Variants in MARCHF1 observed in about 807,000 individuals in gnomAD.
The protein encoded by MARCHF1 is membrane associated ring-CH-type finger 1.
A neutral mutation model predicts 54.2 loss-of-function variants in MARCHF1; 40 were observed. The observed-to-expected ratio is 0.74, with a 90% confidence interval of 0.57 to 0.96. MARCHF1 has a LOEUF of 0.96. Ranked by LOEUF, MARCHF1 falls within the 40% of genes least tolerant of loss-of-function variation. The pLI is 0.00. For missense variants in MARCHF1, 586 were observed against 656.5 expected, an observed-to-expected ratio of 0.89 and a Z score of 1.17; for synonymous variants, 236 against 236.3, an observed-to-expected ratio of 1.00 and a Z score of 0.01.
chr4:164,214,772 A>T (rs1225749954), intron 1 of MARCHF1, among the ~76,000 whole-genome samples: 3 of 152,214 alleles, frequency 2.0e-5, no homozygotes, highest in Non-Finnish European at 4.4e-5. Flanking sequence ...TGTGGGGCAC[A>T]TATTTTATGG....
At chr4:163,925,975 T>C (rs2111377036) in intron 3 of MARCHF1, among the ~76,000 whole-genome samples, 1 of 151,868 alleles carries the variant, frequency 6.6e-6, no homozygotes, top group South Asian at 2.1e-4. Flanking sequence ...TTTTTGTTTT[T>C]TACTTTCTTC....
intron 2 of MARCHF1, among the ~76,000 whole-genome samples, chr4:164,071,160 C>G (rs1478303991): frequency 6.6e-6 from 1 of 152,086 alleles, no homozygotes; most frequent in Non-Finnish European, 1.5e-5. Context: ...TCTGTTTGAC[C>G]TTTTTCAAAT....
intron 2 of MARCHF1, among the ~76,000 whole-genome samples, chr4:164,075,468 A>T (rs1474732250): frequency 6.6e-6 from 1 of 152,234 alleles, no homozygotes; most frequent in Admixed American, 6.5e-5. Flanking sequence ...ATGCAGCCCC[A>T]GGGTGTGGAT....
At chr4:163,646,843 A>C (rs1371158193) in intron 5 of MARCHF1, among the ~76,000 whole-genome samples, 1 of 152,152 alleles carries the variant, frequency 6.6e-6, no homozygotes, top group Non-Finnish European at 1.5e-5. Context: ...AGAGAGGAAG[A>C]AAAGAACAAA....
At chr4:163,635,828 T>C (rs1742297220) in intron 5 of MARCHF1, among the ~76,000 whole-genome samples, 1 of 152,082 alleles carries the variant, frequency 6.6e-6, no homozygotes, top group East Asian at 1.9e-4. Flanking sequence ...TGATGAACAT[T>C]GATGCAAAAA....
intron 1 of MARCHF1, among the ~76,000 whole-genome samples, chr4:164,147,060 A>G (rs1729769030): frequency 6.6e-6 from 1 of 151,994 alleles, no homozygotes; most frequent in Admixed American, 6.6e-5. Flanking sequence ...GCAGCCAAAA[A>G]ACACATGAAA....
chr4:164,042,517 T>C (rs1272789545), intron 2 of MARCHF1, among the ~76,000 whole-genome samples: 4 of 151,842 alleles, frequency 2.6e-5, no homozygotes, highest in Non-Finnish European at 5.9e-5. Context: ...ATGGGAGAAA[T>C]CCCCCTGTGA....
chr4:163,974,491 C>T (rs1177110141), intron 3 of MARCHF1, among the ~76,000 whole-genome samples: 1 of 152,168 alleles, frequency 6.6e-6, no homozygotes, highest in Non-Finnish European at 1.5e-5. Context: ...GAGTTACTCT[C>T]CAACCTTTGA....
At chr4:164,281,334 G>T (rs940729505) in intron 1 of MARCHF1, among the ~76,000 whole-genome samples, 2 of 152,080 alleles carry the variant, frequency 1.3e-5, no homozygotes, top group African/African-American at 4.8e-5. Flanking sequence ...CCATCAAAGG[G>T]CTTACATCAA....
At chr4:163,919,745 T>A (rs921336362) in intron 3 of MARCHF1, among the ~76,000 whole-genome samples, 1 of 152,240 alleles carries the variant, frequency 6.6e-6, no homozygotes, top group Non-Finnish European at 1.5e-5. Context: ...TTTTAATAAT[T>A]CAAAATATCC....
chr4:163,801,580 T>C (rs1041064886), intron 4 of MARCHF1, among the ~76,000 whole-genome samples: 1 of 152,130 alleles, frequency 6.6e-6, no homozygotes, highest in Non-Finnish European at 1.5e-5. Flanking sequence ...ATCTTAAGTA[T>C]AAAGCACAAT....
chr4:164,207,389 C>T (rs1731637526), intron 1 of MARCHF1, among the ~76,000 whole-genome samples: 1 of 152,086 alleles, frequency 6.6e-6, no homozygotes, highest in Non-Finnish European at 1.5e-5. Context: ...GTTACAGGCA[C>T]CGGCAGTGAA....
chr4:164,307,234 T>C (rs1734719655), intron 1 of MARCHF1, among the ~76,000 whole-genome samples: 1 of 152,168 alleles, frequency 6.6e-6, no homozygotes, highest in Non-Finnish European at 1.5e-5. Context: ...GAAAACAGAC[T>C]TGTGCTAAGG....
intron 5 of MARCHF1, among the ~76,000 whole-genome samples, chr4:163,661,014 T>C (rs1018982623): frequency 6.6e-6 from 1 of 152,046 alleles, no homozygotes; most frequent in African/African-American, 2.4e-5. Context: ...AAAAATTTGA[T>C]AATCTTGGTT....
At chr4:164,141,391 A>G (rs938293799) in intron 1 of MARCHF1, among the ~76,000 whole-genome samples, 2 of 152,244 alleles carry the variant, frequency 1.3e-5, no homozygotes, top group Non-Finnish European at 2.9e-5. Context: ...GTCTTTAGAC[A>G]ACTACTTACA....
intron 7 of MARCHF1, among the ~76,000 whole-genome samples, chr4:163,597,695 T>G (rs1740822180): frequency 6.6e-6 from 1 of 152,206 alleles, no homozygotes; most frequent in African/African-American, 2.4e-5. Context: ...TTTCTCATTC[T>G]TTAGTTAATT....
At chr4:163,958,734 A>G (rs1170534861) in intron 3 of MARCHF1, among the ~76,000 whole-genome samples, 2 of 151,990 alleles carry the variant, frequency 1.3e-5, no homozygotes, top group Non-Finnish European at 2.9e-5. Context: ...CTAAAATTAC[A>G]GGTAAAATTA....
intron 2 of MARCHF1, among the ~76,000 whole-genome samples, chr4:164,054,469 T>C (rs1754443931): frequency 6.6e-6 from 1 of 152,042 alleles, no homozygotes; most frequent in Non-Finnish European, 1.5e-5. Context: ...TAAAGACACA[T>C]GCACACGTAT....
chr4:164,033,483 C>T (rs185512564), intron 2 of MARCHF1, among the ~76,000 whole-genome samples: 34 of 152,272 alleles, frequency 2.2e-4, no homozygotes, highest in African/African-American at 7.5e-4. Context: ...TCAGAGCTAA[C>T]AGGCTACCTA....
Sources: gnomAD v4.1 joint callset for allele counts (sites outside exome capture counted in the v4.1 genomes callset) on GRCh38, gnomAD v4.1.1 for gene constraint, MANE v1.5 for transcripts, NCBI Gene and HGNC (gene_info 2026-07-23, HGNC 2026-07-21) for gene names.